The following ANKRD24 variants were observed in gnomAD, a reference collection of about 807,000 sequenced individuals.
ANKRD24 encodes the protein ankyrin repeat domain-containing protein 24.
A neutral mutation model predicts 127.8 loss-of-function variants in ANKRD24; 109 were observed. That is an observed-to-expected ratio of 0.85 (90% CI 0.73 to 1.00). The LOEUF (loss-of-function observed/expected upper bound fraction) is 1.00. Among genes scored for constraint, ANKRD24 ranks in the 50% least tolerant of loss-of-function variants. The pLI is 0.00. For missense variants in ANKRD24, 1,648 were observed against 1,570.2 expected (o/e 1.05, Z -0.84); for synonymous variants, 743 against 671.1 (o/e 1.11, Z -1.66).
chr19:4,196,549 A>G (rs1968753551), intron 2 of ANKRD24, among the ~76,000 whole-genome samples: 1 of 151,970 alleles, frequency 6.6e-6, no homozygotes, highest in Non-Finnish European at 1.5e-5. Context: ...TAATTTTTGC[A>G]TTTTTAGTAG....
rs556323637 is a variant in ANKRD24, at chr19:4,204,394, G to C, written c.466+1468G>C. Among the ~76,000 whole-genome samples the C allele has an allele frequency of 3.9e-5, 6 of 152,250 alleles. No individual in the cohort carries two copies. The East Asian group carries it at 1.2e-3, about 29-fold the overall frequency. On this transcript the variant is annotated intron_variant, in intron 7 of 21. Coordinates refer to ENST00000318934, the MANE Select transcript of ANKRD24 (RefSeq NM_001393985.1). Reference sequence around the variant, plus strand: ...ATGAGGCTTAATGAGGCTGTCACTTGTCCGCAGCAGGTAAATCGTAGGGAA... The same window carrying C: ...ATGAGGCTTAATGAGGCTGTCACTTCTCCGCAGCAGGTAAATCGTAGGGAA...
At chr19:4,182,843 A>G in intron 1 of ANKRD24, 103 bp downstream of exon 1, 2 of 680,620 alleles carry the variant, frequency 2.9e-6, no homozygotes, top group Non-Finnish European at 3.6e-6. Flanking sequence ...TGCGGGACAC[A>G]GGCTATCCAT....
chr19:4,183,415 G>A (rs1967855031), intron 1 of ANKRD24: 3 of 902,338 alleles, frequency 3.3e-6, no homozygotes, highest in African/African-American at 1.8e-5. Flanking sequence ...TGGGCACACT[G>A]GAGAGCAAAG....
intron 20 of ANKRD24, among the ~76,000 whole-genome samples, chr19:4,223,110 T>A (rs1183588928): frequency 6.6e-6 from 1 of 151,990 alleles, no homozygotes; most frequent in Non-Finnish European, 1.5e-5. Context: ...CACACCCAGC[T>A]AATTTTTGTA....
intron 1 of ANKRD24, among the ~76,000 whole-genome samples, chr19:4,185,858 G>A (rs887393870): frequency 6.6e-6 from 1 of 152,324 alleles, no homozygotes; most frequent in African/African-American, 2.4e-5. Context: ...CAGAGGCAGA[G>A]ACCCAGCCAG....
In ANKRD24 at chr19:4,199,523, G is replaced by A. The variant is rs1379155784; in HGVS notation, c.37-160G>A. 1 of 985,454 alleles carries A rather than the reference G, an allele frequency of 1.0e-6. No homozygotes were observed. The highest frequency in any genetic ancestry group is 1.2e-6 in the Non-Finnish European group (1 of 829,934). The allele number at this position is 985,454 out of a possible 1,614,324, so 61.0% of individuals were successfully genotyped here. A position where few individuals can be genotyped will look rare whatever the true frequency, so the allele number is the denominator to read the frequency against. On this transcript the variant is annotated intron_variant, in intron 2 of 21. Coordinates refer to ENST00000318934, the MANE Select transcript of ANKRD24 (RefSeq NM_001393985.1). This position sits in a 1 kb window ranked among gnomAD's most constrained non-coding sequence, Gnocchi z 5.2. ...CTCCATGCTCAGCCCAGGGGACAAC[G>A]TTTTGGAAATAGATGCCAGGGGGCT...
intron 2 of ANKRD24, among the ~76,000 whole-genome samples, chr19:4,190,133 A>G (rs889751384): frequency 6.6e-6 from 1 of 152,132 alleles, no homozygotes; most frequent in African/African-American, 2.4e-5. Context: ...ACCCTCCTGC[A>G]CAGTCAAAAA....
chr19:4,208,476 T>G (rs1312672059), intron 10 of ANKRD24, among the ~76,000 whole-genome samples: 2 of 151,972 alleles, frequency 1.3e-5, no homozygotes, highest in Non-Finnish European at 2.9e-5. Context: ...GGAGTCGGGG[T>G]TTCGCCACGT....
chr19:4,193,945 G>T (rs1211007893), intron 2 of ANKRD24, among the ~76,000 whole-genome samples: 1 of 151,914 alleles, frequency 6.6e-6, no homozygotes, highest in African/African-American at 2.4e-5. Context: ...GCTGCTCAGA[G>T]AAGGGTTAGC....
intron 15 of ANKRD24, among the ~76,000 whole-genome samples, chr19:4,213,872 T>C (rs1969909321): frequency 6.6e-6 from 1 of 152,030 alleles, no homozygotes; most frequent in Admixed American, 6.6e-5. Flanking sequence ...TGACCTCAGG[T>C]GAACCGCCTG....
At chr19:4,197,610 AGAGT>A (rs1257980877) in intron 2 of ANKRD24, among the ~76,000 whole-genome samples, 16 of 151,990 alleles carry the variant, frequency 1.1e-4, no homozygotes, top group African/African-American at 3.6e-4. Flanking sequence ...AATGAATGAA[AGAGT>A]GAGCAAATAA....
At chr19:4,193,845 G>GAGGGAGGGAGGGAGGGAAGGA (rs573649233) in intron 2 of ANKRD24, among the ~76,000 whole-genome samples, 3,250 of 40,470 alleles carry the variant, frequency 0.08, 506 homozygotes, top group Middle Eastern at 0.11. Context: ...GGGAGGGAGG[G>GAGGGAGGGAGGGAGGGAAGGA]AGGAAGGAAG....
chr19:4,215,664 G>T (rs1255668684), intron 15 of ANKRD24, among the ~76,000 whole-genome samples: 2 of 151,414 alleles, frequency 1.3e-5, no homozygotes, highest in African/African-American at 4.9e-5. Context: ...AGTCCCAGCT[G>T]CTTGGAAGGC....
At position 4,202,850 on chromosome 19, in the gene ANKRD24, G is replaced by A. The variant is rs1969168095; in HGVS notation, c.409-19G>A. On this transcript the variant is annotated intron_variant, in intron 6 of 21. Coordinates refer to ENST00000318934, the MANE Select transcript of ANKRD24 (RefSeq NM_001393985.1). Reference sequence around the variant, plus strand: ...GCAAGAAGGATGGCTCCGCCTCAAAGGACTCGCCCCATCCCCAGGCTTCCT... The same window carrying A: ...GCAAGAAGGATGGCTCCGCCTCAAAAGACTCGCCCCATCCCCAGGCTTCCT... The A allele has an allele frequency of 1.3e-6, 2 of 1,579,466 alleles. No individual in the cohort carries two copies. Among genetic ancestry groups the A allele is most frequent in the East Asian group, 2.3e-5 (1 of 42,700 alleles).
At chr19:4,207,105 T>G (rs993077718) in intron 7 of ANKRD24, 137 bp from the exon 8 acceptor site, 14 of 457,510 alleles carry the variant, frequency 3.1e-5, no homozygotes, top group Admixed American at 4.7e-5. Flanking sequence ...TTTTTTTTTG[T>G]AGAGACAGGG....
At chr19:4,207,355 G>A in intron 8 of ANKRD24, 43 bp downstream of exon 8, 2 of 1,602,458 alleles carry the variant, frequency 1.2e-6, no homozygotes, top group South Asian at 1.1e-5. Context: ...TATGCTTGAG[G>A]TATGCTGCCA....
chr19:4,200,333 A>G (rs1164761033), intron 5 of ANKRD24, among the ~76,000 whole-genome samples, 162 bp downstream of exon 5: 1 of 152,050 alleles, frequency 6.6e-6, no homozygotes, highest in Non-Finnish European at 1.5e-5. Context: ...ACACAGGGGC[A>G]TGTTAGGATG....
At chr19:4,218,411 T>C (rs561543129) in intron 18 of ANKRD24, among the ~76,000 whole-genome samples, 1 of 151,856 alleles carries the variant, frequency 6.6e-6, no homozygotes, top group African/African-American at 2.4e-5. Context: ...GTGATTCTCC[T>C]GCCTCAGCCT....
chr19:4,217,786 C>T lies in ANKRD24; in HGVS notation c.2626C>T (p.Arg876Trp). The change falls in exon 18 of 22, where the codon CGG becomes TGG. Residue 876 changes from arginine to tryptophan, a missense_variant. Physicochemically the swap from Arg to Trp is moderately radical, Grantham distance 101 (BLOSUM62 -3). Transcript: ENST00000318934. ...GCGCACGGCGGCCGCGGAACTGGGC[C>T]GGGCACGGGACGCCGCTGAGGCCCG... The part of the protein sequence containing the change: ...QQRTAAAELG[R>W]ARDAAEARVA... 7.6e-7 allele frequency: 1 copy of T among 1,324,498 alleles called. No individual in the cohort carries two copies. Among genetic ancestry groups the T allele is most frequent in the African/African-American group, 1.6e-5 (1 of 63,880 alleles). 82.0% of individuals were successfully genotyped at this position (1,324,498 alleles called of 1,614,324 possible). A position where few individuals can be genotyped will look rare whatever the true frequency, so the allele number is the denominator to read the frequency against.
Sources: gnomAD v4.1 joint callset for allele counts (sites outside exome capture counted in the v4.1 genomes callset) on GRCh38, gnomAD v4.1.1 for gene constraint, Gnocchi (gnomAD v3.1) non-coding constraint, MANE v1.5 for transcripts, NCBI Gene and HGNC (gene_info 2026-07-23, HGNC 2026-07-21) for gene names.